Variants in NUP210L observed in about 807,000 individuals in gnomAD.
NUP210L encodes nucleoporin 210 like.
In NUP210L, 74 loss-of-function variants were observed where a neutral mutation model predicts 208.5. That is an observed-to-expected ratio of 0.35 (90% CI 0.29 to 0.43). The LOEUF is 0.43. NUP210L is among the 20% of genes least tolerant of loss of function. The pLI, the probability that NUP210L is intolerant of heterozygous loss-of-function variation, is 1.00. For missense variants in NUP210L, 1,843 were observed against 2,289.4 expected, an observed-to-expected ratio of 0.81 and a Z score of 3.98; for synonymous variants, 780 against 816.9, an observed-to-expected ratio of 0.95 and a Z score of 0.77.
chr1:154,054,545 G>T (rs1427601538), intron 24 of NUP210L, 138 bp from the exon 25 acceptor site: 2 of 848,916 alleles, frequency 2.4e-6, no homozygotes, highest in Non-Finnish European at 3.7e-6. Flanking sequence ...CAACTCAAAT[G>T]CAGAAGAAAT....
In NUP210L at chr1:154,044,593, A is replaced by T. The variant is rs112875851; in HGVS notation, c.3696+1476T>A. Among the ~76,000 whole-genome samples, 120 of 151,476 alleles carry T rather than the reference A, an allele frequency of 7.9e-4. 1 individual carries two copies. Among genetic ancestry groups the T allele is most frequent in the African/African-American group, 2.2e-3 (92 of 41,302 alleles). On this transcript the variant is annotated intron_variant, in intron 27 of 39. Transcript: ENST00000368559. ...AAGGATATTTTTAGAAAGATTACAA[A>T]TTTTTTTTTACTTTTTCCAAAGTTC... is the stretch of plus-strand genomic sequence containing the variant.
At chr1:154,126,228 A>G in intron 10 of NUP210L, 95 bp downstream of exon 10, 1 of 998,786 alleles carries the variant, frequency 1.0e-6, no homozygotes, top group South Asian at 1.7e-5. Context: ...TGAAAGATAA[A>G]GGTGGTATAT....
intron 15 of NUP210L, among the ~76,000 whole-genome samples, chr1:154,093,947 T>C (rs1171351195): frequency 1.3e-5 from 2 of 152,050 alleles, no homozygotes; most frequent in Admixed American, 1.3e-4. Context: ...TTCCAGCAAC[T>C]TGAGACCAGT....
intron 37 of NUP210L, among the ~76,000 whole-genome samples, chr1:153,998,630 A>G (rs554230432): frequency 6.7e-6 from 1 of 149,206 alleles, no homozygotes. Flanking sequence ...AATTCTATCT[A>G]TGGACCTTTG....
intron 12 of NUP210L, among the ~76,000 whole-genome samples, chr1:154,109,534 C>T (rs975933660): frequency 2.6e-5 from 1 of 38,682 alleles, no homozygotes; most frequent in African/African-American, 1.0e-4. Flanking sequence ...ACAATGTAGA[C>T]CAAAAGGATC....
chr1:154,008,779 C>T (rs1650723708), intron 35 of NUP210L, among the ~76,000 whole-genome samples: 2 of 152,186 alleles, frequency 1.3e-5, no homozygotes, highest in African/African-American at 4.8e-5. Context: ...ACATCTTCTC[C>T]TGCTGTCAGG....
chr1:154,110,789 G>A (rs139029061), intron 12 of NUP210L, among the ~76,000 whole-genome samples: 1 of 151,178 alleles, frequency 6.6e-6, no homozygotes, highest in Non-Finnish European at 1.5e-5. Context: ...GCGGCTGGAA[G>A]ATAACTTGGG....
At chr1:154,006,358 T>A (rs1650524775) in intron 35 of NUP210L, among the ~76,000 whole-genome samples, 2 of 152,106 alleles carry the variant, frequency 1.3e-5, no homozygotes, top group Non-Finnish European at 2.9e-5. Flanking sequence ...CTATATTGCC[T>A]GGAATGTCCT....
chr1:154,142,223 A>C (rs1278587634), intron 3 of NUP210L, among the ~76,000 whole-genome samples: 2 of 151,860 alleles, frequency 1.3e-5, no homozygotes. Context: ...TCACTCATGT[A>C]ATTAACAAAG....
In NUP210L at chr1:154,125,093, C is replaced by T. The variant is rs565598296; in HGVS notation, c.1326+1230G>A. On this transcript the variant is annotated intron_variant, in intron 10 of 39. Coordinates refer to ENST00000368559, the Ensembl canonical transcript of NUP210L. Reference sequence around the variant, plus strand: ...GCTGACATGGGAGGATCACTTGAGCCTAGGAGTTCAAGACCAGCCTGTGCC... The same window carrying T: ...GCTGACATGGGAGGATCACTTGAGCTTAGGAGTTCAAGACCAGCCTGTGCC... Among the ~76,000 whole-genome samples the T allele has an allele frequency of 2.0e-5, 3 of 152,136 alleles. No homozygotes were observed. The South Asian group carries it at 6.2e-4, about 32-fold the overall frequency.
intron 17 of NUP210L, among the ~76,000 whole-genome samples, chr1:154,068,022 A>G (rs1469210907): frequency 6.6e-6 from 1 of 152,234 alleles, no homozygotes; most frequent in East Asian, 1.9e-4. Context: ...CATAGTGCCC[A>G]AGGTAATTTA....
chr1:154,071,823 A>T (rs1019163787), intron 16 of NUP210L, among the ~76,000 whole-genome samples: 5 of 151,604 alleles, frequency 3.3e-5, no homozygotes, highest in African/African-American at 1.2e-4. Context: ...TTTTTAGTAG[A>T]GACGGGATTT....
At position 154,012,367 on chromosome 1, in the gene NUP210L, C is replaced by T. The variant is rs373134075; in HGVS notation, c.4657G>A (p.Val1553Met). 4 of 1,610,780 alleles carry T rather than the reference C, an allele frequency of 2.5e-6. No individual in the cohort carries two copies. The highest frequency in any genetic ancestry group is 1.3e-5 in the African/African-American group (1 of 74,780). ...ATTAATCTTGATGATGCATTGACCA[C>T]CACCTGTCAGCAAATCAAAGGAAAA... Residue 1553 changes from valine (V) to methionine (M), a missense_variant, in exon 34 of 40, where the codon GTG becomes ATG. By Grantham distance (21) the Val-to-Met change is conservative. Coordinates refer to ENST00000368559, the Ensembl canonical transcript of NUP210L.
At chr1:154,015,277 T>G (rs1651170909) in intron 33 of NUP210L, among the ~76,000 whole-genome samples, 1 of 129,094 alleles carries the variant, frequency 7.7e-6, no homozygotes, top group Non-Finnish European at 1.7e-5. Context: ...GTGTACTGGA[T>G]GTTAAAAAAA....
intron 10 of NUP210L, among the ~76,000 whole-genome samples, chr1:154,122,313 G>T (rs1464959507): frequency 6.6e-6 from 1 of 152,130 alleles, no homozygotes; most frequent in Non-Finnish European, 1.5e-5. Context: ...AAAGGAAAAT[G>T]AAAACCATAG....
intron 12 of NUP210L, among the ~76,000 whole-genome samples, chr1:154,110,179 G>A (rs1656972348): frequency 1.3e-5 from 2 of 149,232 alleles, no homozygotes; most frequent in Admixed American, 1.3e-4. Context: ...AGGTTGCAGT[G>A]AGCCAAGATC....
intron 27 of NUP210L, among the ~76,000 whole-genome samples, chr1:154,030,791 G>A (rs1652173653): frequency 6.6e-6 from 1 of 151,660 alleles, no homozygotes; most frequent in South Asian, 2.1e-4. Context: ...GAGTGCAGTG[G>A]TGAAATCATG....
chr1:154,128,755 G>A (rs1658108867), intron 8 of NUP210L, among the ~76,000 whole-genome samples: 1 of 152,098 alleles, frequency 6.6e-6, no homozygotes, highest in Non-Finnish European at 1.5e-5. Context: ...GCTAAGGTGT[G>A]AAGATTGCTT....
At chr1:154,111,536 C>A (rs759962987) in intron 12 of NUP210L, among the ~76,000 whole-genome samples, 3 of 151,410 alleles carry the variant, frequency 2.0e-5, no homozygotes, top group Non-Finnish European at 2.9e-5. Flanking sequence ...GGAAAACCTA[C>A]AAGAAATGGA....
Sources: gnomAD v4.1 joint callset for allele counts (sites outside exome capture counted in the v4.1 genomes callset) on GRCh38, gnomAD v4.1.1 for gene constraint, MANE v1.5 for transcripts, NCBI Gene and HGNC (gene_info 2026-07-23, HGNC 2026-07-21) for gene names.